Variants in FAM178B observed in about 807,000 individuals in gnomAD.
The protein encoded by FAM178B is protein FAM178B.
Under a neutral mutation model 91.7 loss-of-function variants are expected in FAM178B, and 82 were observed. The observed-to-expected ratio is 0.89, with a 90% confidence interval of 0.75 to 1.07. FAM178B has a LOEUF of 1.07. Ranked by LOEUF, FAM178B falls within the 50% of genes least tolerant of loss-of-function variation. FAM178B has a pLI of 0.00. For synonymous variants in FAM178B, 368 were observed against 359.4 expected (o/e 1.02, Z -0.27); for missense variants, 769 against 846.7 (o/e 0.91, Z 1.14).
chr2:96,909,035 T>A (rs969975527), intron 12 of FAM178B, among the ~76,000 whole-genome samples: 1 of 149,578 alleles, frequency 6.7e-6, no homozygotes, highest in African/African-American at 2.5e-5. Context: ...GCCTGCTACT[T>A]GGGAGGCTGA....
intron 6 of FAM178B, among the ~76,000 whole-genome samples, chr2:96,958,493 A>C (rs2082032508): frequency 6.6e-6 from 1 of 151,704 alleles, no homozygotes; most frequent in Non-Finnish European, 1.5e-5. Flanking sequence ...TTCAAGACCA[A>C]CCTGGGCAAC....
chr2:96,924,295 T>C (rs2081397326), intron 9 of FAM178B, among the ~76,000 whole-genome samples: 1 of 152,166 alleles, frequency 6.6e-6, no homozygotes, highest in Non-Finnish European at 1.5e-5. Context: ...ACGTGGTAGC[T>C]GACACGGGCT....
chr2:96,911,523 G>T (rs2081157929), intron 12 of FAM178B, among the ~76,000 whole-genome samples: 1 of 152,206 alleles, frequency 6.6e-6, no homozygotes, highest in African/African-American at 2.4e-5. Context: ...ACCCCAGGCT[G>T]CACCGTGGCA....
chr2:96,908,174 TG>T (rs780512015), intron 12 of FAM178B, among the ~76,000 whole-genome samples: 3 of 152,198 alleles, frequency 2.0e-5, no homozygotes, highest in Non-Finnish European at 2.9e-5. Flanking sequence ...CCAGACTGCC[TG>T]GTCATCCACA....
intron 7 of FAM178B, among the ~76,000 whole-genome samples, chr2:96,949,564 G>A (rs2081890041): frequency 6.6e-6 from 1 of 152,110 alleles, no homozygotes; most frequent in Admixed American, 6.5e-5. Flanking sequence ...GGGACCTCAG[G>A]AACCACCCTC....
intron 12 of FAM178B, among the ~76,000 whole-genome samples, chr2:96,907,534 C>CAGCCAGGCCAGGCTA (rs2081079192): frequency 6.6e-6 from 1 of 152,242 alleles, no homozygotes; most frequent in African/African-American, 2.4e-5. Context: ...TGGCGTGCAC[C>CAGCCAGGCCAGGCTA]AGCCAGGCCA....
chr2:96,986,284 G>C lies in FAM178B; in HGVS notation c.30C>G (p.Leu10=). The C allele has an allele frequency of 1.3e-6, 2 of 1,534,422 alleles. No homozygotes were observed. Among genetic ancestry groups the C allele is most frequent in the Non-Finnish European group, 1.7e-6 (2 of 1,146,776 alleles). ...GATCCTGCCTCCTGAGTTGTGGAGCGAGGCCCGCACCTGGAAGCCTTGGCC... is the reference window on the plus strand; with the variant it reads ...GATCCTGCCTCCTGAGTTGTGGAGCCAGGCCCGCACCTGGAAGCCTTGGCC... The part of the protein sequence containing the change: MWPRLPGAG[L]APQLRRQDQR... The change falls in exon 1 of 17, where the codon CTC becomes CTG. Residue 10 remains leucine, a synonymous_variant. Coordinates refer to ENST00000490605, the MANE Select transcript of FAM178B (RefSeq NM_001122646.3).
chr2:96,982,591 C>CA (rs2082376109), intron 1 of FAM178B, among the ~76,000 whole-genome samples: 1 of 151,470 alleles, frequency 6.6e-6, no homozygotes, highest in African/African-American at 2.4e-5. Flanking sequence ...TTGTTAGAGA[C>CA]AGAGTCTGTC....
intron 6 of FAM178B, among the ~76,000 whole-genome samples, chr2:96,954,673 C>G (rs557206201): frequency 3.3e-5 from 5 of 152,384 alleles, no homozygotes; most frequent in African/African-American, 1.2e-4. Flanking sequence ...TCAAATCAGT[C>G]TGAATAAAAT....
At chr2:96,900,985 G>A (rs2080916193) in intron 13 of FAM178B, among the ~76,000 whole-genome samples, 1 of 152,096 alleles carries the variant, frequency 6.6e-6, no homozygotes, top group African/African-American at 2.4e-5. Flanking sequence ...GTACCCAGCA[G>A]CTCTTCTCCC....
chr2:96,927,781 C>A (rs1458781894), intron 9 of FAM178B, among the ~76,000 whole-genome samples: 1 of 152,178 alleles, frequency 6.6e-6, no homozygotes, highest in Non-Finnish European at 1.5e-5. Context: ...GGCTATGTCT[C>A]CAGTGCCGCC....
chr2:96,941,232 C>A (rs1046429202), intron 8 of FAM178B, among the ~76,000 whole-genome samples: 1 of 152,132 alleles, frequency 6.6e-6, no homozygotes, highest in African/African-American at 2.4e-5. Flanking sequence ...TATTTTGCAT[C>A]TTTCTCTATT....
intron 8 of FAM178B, among the ~76,000 whole-genome samples, chr2:96,943,028 C>T (rs1326822764): frequency 2.6e-5 from 4 of 152,040 alleles, no homozygotes; most frequent in African/African-American, 7.3e-5. Flanking sequence ...AATTTATGAG[C>T]TAAAAGTATA....
chr2:96,918,380 C>T (rs924231000), intron 12 of FAM178B, among the ~76,000 whole-genome samples: 1 of 152,060 alleles, frequency 6.6e-6, no homozygotes, highest in African/African-American at 2.4e-5. Flanking sequence ...AAGAGAAACA[C>T]AAAAGGCCAA....
chr2:96,905,861 T>TA (rs1491541308), intron 12 of FAM178B, among the ~76,000 whole-genome samples: 467 of 19,754 alleles, frequency 0.024, 19 homozygotes, highest in Admixed American at 0.039. Context: ...TATATATATA[T>TA]TTTTTTTTTT....
At chr2:96,953,367 G>A (rs181635699) in intron 6 of FAM178B, among the ~76,000 whole-genome samples, 1 of 152,342 alleles carries the variant, frequency 6.6e-6, no homozygotes, top group Non-Finnish European at 1.5e-5. Flanking sequence ...GCCATGTGGT[G>A]AGGAGGCTGG....
chr2:96,923,412 G>T, intron 10 of FAM178B, 78 bp downstream of exon 10: 2 of 1,126,116 alleles, frequency 1.8e-6, no homozygotes, highest in Non-Finnish European at 2.6e-6. Context: ...TCTCCGTGAT[G>T]CTCCTGGAAT....
intron 1 of FAM178B, among the ~76,000 whole-genome samples, chr2:96,980,776 G>C (rs2082351036): frequency 1.3e-5 from 2 of 152,082 alleles, no homozygotes; most frequent in Admixed American, 1.3e-4. Context: ...TCCTGACCTA[G>C]ATATCTTTTT....
At chr2:96,886,838 G>A (rs898493036) in intron 14 of FAM178B, among the ~76,000 whole-genome samples, 5 of 152,182 alleles carry the variant, frequency 3.3e-5, no homozygotes, top group African/African-American at 1.2e-4. Context: ...GAACTTCTGG[G>A]CTCAAGCCAT....
Sources: gnomAD v4.1 joint callset for allele counts (sites outside exome capture counted in the v4.1 genomes callset) on GRCh38, gnomAD v4.1.1 for gene constraint, MANE v1.5 for transcripts, NCBI Gene and HGNC (gene_info 2026-07-23, HGNC 2026-07-21) for gene names.